The following DCST2 variants were observed in gnomAD, a reference collection of about 807,000 sequenced individuals.
DCST2 encodes DC-STAMP domain-containing protein 2.
DCST2 carries 64 observed loss-of-function variants against 81.8 expected under a neutral mutation model. That is an observed-to-expected ratio of 0.78 (90% CI 0.64 to 0.96). DCST2 has a LOEUF of 0.96. DCST2 is among the 40% of genes least tolerant of loss of function. The pLI, the probability that DCST2 is intolerant of heterozygous loss-of-function variation, is 0.00. For synonymous variants in DCST2, 354 were observed against 402.6 expected, an observed-to-expected ratio of 0.88 and a Z score of 1.44; for missense variants, 945 against 1,001.4, an observed-to-expected ratio of 0.94 and a Z score of 0.76.
chr1:155,031,379 C>T (rs551553636), intron 4 of DCST2, 145 bp from the exon 5 acceptor site: 8 of 1,045,748 alleles, frequency 7.7e-6, no homozygotes, highest in South Asian at 1.6e-5. Context: ...ACCTCCCTGT[C>T]GCCCTTCTCT....
chr1:155,030,783 G>A (rs1660052190), intron 5 of DCST2, 138 bp from the exon 6 acceptor site: 2 of 849,600 alleles, frequency 2.4e-6, no homozygotes, highest in East Asian at 5.3e-5. Context: ...TTGGGTCAAG[G>A]TGGACTGAGG....
chr1:155,031,515 T>TGGCCCCCCC, intron 4 of DCST2, 59 bp downstream of exon 4: 8 of 643,126 alleles, frequency 1.2e-5, no homozygotes, highest in Non-Finnish European at 2.3e-5. Flanking sequence ...ACCCCCACAT[T>TGGCCCCCCC]CCCACCCCAC....
Position 155,026,315 on chromosome 1 carries a change from G to C in DCST2, c.1598C>G (p.Pro533Arg), listed in dbSNP as rs777464714. 3 of 1,613,748 alleles carry C rather than the reference G, an allele frequency of 1.9e-6. No homozygotes were observed. The highest frequency in any genetic ancestry group is 2.5e-6 in the Non-Finnish European group (3 of 1,179,996). Residue 533 changes from proline to arginine, a missense_variant, in exon 10 of 15, where the codon CCA becomes CGA. By Grantham distance (103) the Pro-to-Arg change is moderately radical. Coordinates refer to ENST00000368424, the MANE Select transcript of DCST2 (RefSeq NM_144622.3). ...LRRVICASYY[P>R]SREQERISYL... Reference sequence around the variant, plus strand: ...CGGACCCCTCACCTGCTCCCGGGATGGGTAGTAGGAGGCACAGATGACTCG... The same window carrying C: ...CGGACCCCTCACCTGCTCCCGGGATCGGTAGTAGGAGGCACAGATGACTCG...
At chr1:155,032,481 CTATTTTTTTATTTTT>C (rs1216533730) in intron 3 of DCST2, among the ~76,000 whole-genome samples, 171 bp downstream of exon 3, 1 of 151,960 alleles carries the variant, frequency 6.6e-6, no homozygotes, top group Non-Finnish European at 1.5e-5. Flanking sequence ...TATTTATTTT[CTATTTTTTTATTTTT>C]TATAGAGACA....
rs1343834368 is a variant in DCST2 at position 155,026,347 on chromosome 1, C to T, written c.1566G>A (p.Arg522=). The T allele has an allele frequency of 1.2e-6, 2 of 1,613,790 alleles. No individual in the cohort carries two copies. Among genetic ancestry groups the T allele is most frequent in the African/African-American group, 1.3e-5 (1 of 74,934 alleles). Residue 522 remains arginine, a synonymous_variant, in exon 10 of 15, where the codon CGG becomes CGA. Transcript: ENST00000368424. ...AGGAGGCACAGATGACTCGCCGCAG[C>T]CGGCTGACATAGCTGCCAAACAGGG... The part of the protein sequence containing the change: ...FITLFGSYVS[R]LRRVICASYY...
rs1244188141 is a variant in DCST2 at position 155,033,552 on chromosome 1, G to C, written c.150C>G (p.His50Gln). ...YGLLELLVEG[H>Q]SPWGCLVGTL... ...TGCCCACCAGGCAACCCCAGGGGCT[G>C]TGGCCTTCCACCAGTAGCTCCAGAA... Residue 50 changes from histidine to glutamine, a missense_variant, in exon 1 of 15, where the codon CAC becomes CAG. Coordinates refer to ENST00000368424, the MANE Select transcript of DCST2 (RefSeq NM_144622.3). 6.2e-6 allele frequency: 10 copies of C among 1,614,040 alleles called. No homozygotes were observed. In the South Asian group the frequency reaches 1.1e-4, roughly 18 times the overall value.
chr1:155,029,738 A>G (rs1025831925), intron 7 of DCST2, among the ~76,000 whole-genome samples: 1 of 150,148 alleles, frequency 6.7e-6, no homozygotes, highest in Admixed American at 6.6e-5. Context: ...CTTCCTGCCC[A>G]CCCCGGGGAA....
Position 155,026,535 on chromosome 1 carries a change from G to T in DCST2, c.1510+13C>A, listed in dbSNP as rs201166423. 5.5e-5 allele frequency: 88 copies of T among 1,614,074 alleles called. No homozygotes were observed. The African/African-American group carries it at 1.1e-3, about 20-fold the overall frequency. ...TGTCCACGCCCCCAGGGACCTCAGG[G>T]TGTAGTTGATACCAATGACTATGTA... On this transcript the variant is annotated intron_variant, in intron 9 of 14. Transcript: ENST00000368424.
intron 10 of DCST2, among the ~76,000 whole-genome samples, chr1:155,025,167 AAAAG>A (rs1659866210): frequency 6.8e-6 from 1 of 147,582 alleles, no homozygotes; most frequent in Non-Finnish European, 1.5e-5. Context: ...AAAAAAAAAG[AAAAG>A]AAAGCTTGTC....
At position 155,026,723 on chromosome 1, in the gene DCST2, A is replaced by G; in HGVS notation, c.1343-8T>C. Reference sequence around the variant, plus strand: ...GAGACACCAACACAGGACCTGGCACAAAGACACTGTGTGAGTGACACTCAT... The same window carrying G: ...GAGACACCAACACAGGACCTGGCACGAAGACACTGTGTGAGTGACACTCAT... On this transcript the variant is annotated splice_polypyrimidine_tract_variant and splice_region_variant and intron_variant, in intron 8 of 14. Coordinates refer to ENST00000368424, the MANE Select transcript of DCST2 (RefSeq NM_144622.3). The G allele has an allele frequency of 6.2e-7, 1 of 1,614,098 alleles. No individual in the cohort carries two copies. Among genetic ancestry groups the G allele is most frequent in the Non-Finnish European group, 8.5e-7 (1 of 1,179,996 alleles).
chr1:155,026,393 T>C lies in DCST2; in HGVS notation c.1520A>G (p.Tyr507Cys), dbSNP rs751623759. The C allele has an allele frequency of 4.3e-6, 7 of 1,613,736 alleles. No homozygotes were observed. Among genetic ancestry groups the C allele is most frequent in the Non-Finnish European group, 5.1e-6 (6 of 1,180,008 alleles). Residue 507 changes from tyrosine to cysteine, a missense_variant, in exon 10 of 15, where the codon TAT becomes TGT. Physicochemically the swap from Tyr to Cys is radical, Grantham distance 194. Coordinates refer to ENST00000368424, the MANE Select transcript of DCST2 (RefSeq NM_144622.3). ...STGYIVIGVM[Y>C]GLCFFITLFG... ...CAGGGTGATGAAGAAGCATAGGCCA[T>C]ACATGACGCCTGGGAGCACAGCAGC...
At chr1:155,030,409 C>T (rs778446334) in intron 6 of DCST2, 23 bp downstream of exon 6, 4 of 1,609,512 alleles carry the variant, frequency 2.5e-6, no homozygotes, top group Non-Finnish European at 3.4e-6. Flanking sequence ...CTGCATCCCC[C>T]ACGCTGCCCG....
chr1:155,030,486 GCCT>G lies in DCST2; in HGVS notation c.962_964del (p.Glu321del), dbSNP rs1660042304. On this transcript the variant is annotated inframe_deletion, in exon 6 of 15. Coordinates refer to ENST00000368424, the MANE Select transcript of DCST2 (RefSeq NM_144622.3). ...CGTGGTGAAGCCCATCAGAGCCAGG[GCCT>G]CTCGGACACGGTGCAGCTTCATGCT... The G allele has an allele frequency of 6.2e-7, 1 of 1,614,092 alleles. No individual in the cohort carries two copies. Among genetic ancestry groups the G allele is most frequent in the Non-Finnish European group, 8.5e-7 (1 of 1,180,028 alleles).
At chr1:155,021,616 GC>G (rs909862912) in intron 14 of DCST2, among the ~76,000 whole-genome samples, 6 of 151,492 alleles carry the variant, frequency 4.0e-5, no homozygotes, top group African/African-American at 1.5e-4. Flanking sequence ...TTTTCTAACT[GC>G]CCCCCTGGGC....
chr1:155,023,648 G>C, intron 12 of DCST2, 184 bp downstream of exon 12: 1 of 1,550,250 alleles, frequency 6.5e-7, no homozygotes, highest in Non-Finnish European at 8.7e-7. Flanking sequence ...GGAGAATAAA[G>C]GCAAGCATGG....
At chr1:155,028,879 A>AAG (rs1288105789) in intron 8 of DCST2, among the ~76,000 whole-genome samples, 2 of 151,750 alleles carry the variant, frequency 1.3e-5, no homozygotes, top group Non-Finnish European at 2.9e-5. Flanking sequence ...AAAAAAAAAA[A>AAG]AAAAAAAAGA....
At chr1:155,031,515 T>TGGGCCCC in intron 4 of DCST2, 59 bp downstream of exon 4, 1 of 643,126 alleles carries the variant, frequency 1.6e-6, no homozygotes, top group Non-Finnish European at 2.9e-6. Context: ...ACCCCCACAT[T>TGGGCCCC]CCCACCCCAC....
In DCST2 at chr1:155,030,150, A is replaced by C. The variant is rs753076814; in HGVS notation, c.1111T>G (p.Ser371Ala). 3.1e-6 allele frequency: 5 copies of C among 1,614,052 alleles called. No individual in the cohort carries two copies. The East Asian group carries it at 1.1e-4, about 36-fold the overall frequency. Reference sequence around the variant, plus strand: ...AGCACTGTGGGCAGCCCTGCCGTGGAGCGCACAGCCTCCATGCGCAGGAAT... The same window carrying C: ...AGCACTGTGGGCAGCCCTGCCGTGGCGCGCACAGCCTCCATGCGCAGGAAT... Reference protein sequence around the residue: ...SRFLRMEAVRSTAGLPTVLPL... With the variant: ...SRFLRMEAVRATAGLPTVLPL... The change falls in exon 7 of 15, where the codon TCC (serine) becomes GCC (alanine). Residue 371 changes from serine (S) to alanine (A), a missense_variant. By Grantham distance (99) the Ser-to-Ala change is moderately conservative (BLOSUM62 1). Transcript: ENST00000368424.
intron 14 of DCST2, among the ~76,000 whole-genome samples, chr1:155,019,215 C>T (rs191565386): frequency 1.7e-3 from 265 of 152,334 alleles, no homozygotes; most frequent in Non-Finnish European, 2.8e-3. Context: ...GGCAGCTTAA[C>T]CTTCTCAAAC....
Sources: gnomAD v4.1 joint callset for allele counts (sites outside exome capture counted in the v4.1 genomes callset) on GRCh38, gnomAD v4.1.1 for gene constraint, MANE v1.5 for transcripts, NCBI Gene and HGNC (gene_info 2026-07-23, HGNC 2026-07-21) for gene names.